Variants in PTPRQ observed in about 807,000 individuals in gnomAD.
PTPRQ encodes the protein phosphatidylinositol phosphatase PTPRQ.
Under a neutral mutation model 246.0 loss-of-function variants are expected in PTPRQ, and 199 were observed. The ratio of observed to expected loss-of-function variants is 0.81; its 90% CI spans 0.72 to 0.91. PTPRQ has a LOEUF of 0.91. Among genes scored for constraint, PTPRQ ranks in the 40% least tolerant of loss-of-function variants. The pLI, the probability that PTPRQ is intolerant of heterozygous loss-of-function variation, is 0.00. For missense variants in PTPRQ, 2,624 were observed against 2,528.4 expected (o/e 1.04, Z -0.81); for synonymous variants, 869 against 853.2 (o/e 1.02, Z -0.32).
chr12:80,505,188 T>C (rs530087921), intron 14 of PTPRQ, among the ~76,000 whole-genome samples: 1 of 152,088 alleles, frequency 6.6e-6, no homozygotes, highest in African/African-American at 2.4e-5. Flanking sequence ...AACCAATCTA[T>C]GGCAAGGCAA....
intron 17 of PTPRQ, among the ~76,000 whole-genome samples, chr12:80,520,175 T>C (rs1474234727): frequency 1.3e-5 from 2 of 152,102 alleles, no homozygotes; most frequent in Admixed American, 1.3e-4. Context: ...CCCACCCAAC[T>C]CTCATCTCAT....
At chr12:80,506,494 T>A (rs982390676) in intron 15 of PTPRQ, 75 bp from the exon 16 acceptor site, 5 of 1,197,350 alleles carry the variant, frequency 4.2e-6, no homozygotes, top group Non-Finnish European at 5.8e-6. Flanking sequence ...TTGACAGCCA[T>A]TTCATAGTTT....
chr12:80,543,148 T>C (rs1896205503), intron 23 of PTPRQ, among the ~76,000 whole-genome samples: 2 of 152,048 alleles, frequency 1.3e-5, no homozygotes, highest in Non-Finnish European at 2.9e-5. Context: ...ATTTTGTTAA[T>C]GCTGGAAAGT....
intron 34 of PTPRQ, 190 bp from the exon 35 acceptor site, chr12:80,634,755 G>C (rs1025967031): frequency 1.3e-6 from 1 of 763,252 alleles, no homozygotes; most frequent in Non-Finnish European, 1.9e-6. Context: ...AAAAAAGAAA[G>C]TAGAATAGGT....
intron 8 of PTPRQ, among the ~76,000 whole-genome samples, chr12:80,482,298 G>A (rs1007897088): frequency 6.6e-6 from 1 of 151,664 alleles, no homozygotes; most frequent in African/African-American, 2.4e-5. Context: ...TTAATAAATG[G>A]TGCTGGGAAA....
At position 80,542,267 on chromosome 12, in the gene PTPRQ, G is replaced by A. The variant is rs1896178472; in HGVS notation, c.3624G>A (p.Glu1208=). ...CTGATAATTACATAATATTGGAAGA[G>A]CTTTCACCATTTACATTATATAGCT... ...ITSDNYIILE[E]LSPFTLYSFF... Residue 1208 remains glutamate, a synonymous_variant, in exon 22 of 45, where the codon GAG becomes GAA. Coordinates refer to ENST00000644991, the MANE Select transcript of PTPRQ (RefSeq NM_001145026.2). The A allele has an allele frequency of 3.2e-6, 5 of 1,550,630 alleles. No individual in the cohort carries two copies. Among genetic ancestry groups the A allele is most frequent in the Non-Finnish European group, 4.4e-6 (5 of 1,146,486 alleles).
intron 3 of PTPRQ, among the ~76,000 whole-genome samples, chr12:80,457,127 C>T (rs1299600538): frequency 6.6e-6 from 1 of 151,894 alleles, no homozygotes; most frequent in Non-Finnish European, 1.5e-5. Context: ...ATGTACTTAT[C>T]TAATTTATTT....
chr12:80,514,149 C>T (rs1895206897), intron 17 of PTPRQ, among the ~76,000 whole-genome samples: 1 of 152,076 alleles, frequency 6.6e-6, no homozygotes, highest in African/African-American at 2.4e-5. Flanking sequence ...TTTTATTTCT[C>T]TCACTCTTTT....
In PTPRQ at chr12:80,534,989, A is replaced by G. The variant is rs1441774924; in HGVS notation, c.2937A>G (p.Ile979Met). ...CTCCTTCAAAACCTAATGGGATTAT[A>G]CAATATTACTCTGTTTATTACAGAA... Reference protein sequence around the residue: ...WTPPSKPNGIIQYYSVYYRNT... With the variant: ...WTPPSKPNGIMQYYSVYYRNT... Residue 979 changes from isoleucine (I) to methionine (M), a missense_variant, in exon 19 of 45, where the codon ATA (isoleucine) becomes ATG (methionine). Coordinates refer to ENST00000644991, the MANE Select transcript of PTPRQ (RefSeq NM_001145026.2). 11 of 1,548,818 alleles carry G rather than the reference A, an allele frequency of 7.1e-6. No homozygotes were observed. The highest frequency in any genetic ancestry group is 9.6e-6 in the Non-Finnish European group (11 of 1,145,950).
intron 7 of PTPRQ, 122 bp from the exon 8 acceptor site, chr12:80,471,983 T>C (rs745531004): frequency 1.4e-4 from 174 of 1,225,620 alleles, no homozygotes; most frequent in Middle Eastern, 2.5e-4. Flanking sequence ...TTTGATATTA[T>C]AATAACAAAT....
At chr12:80,640,462 A>C (rs1565835403) in intron 35 of PTPRQ, among the ~76,000 whole-genome samples, 6 of 152,210 alleles carry the variant, frequency 3.9e-5, no homozygotes. Flanking sequence ...GAATACAAGA[A>C]ATGTTCTATG....
chr12:80,659,639 C>T (rs1224517009), intron 39 of PTPRQ, among the ~76,000 whole-genome samples: 1 of 151,990 alleles, frequency 6.6e-6, no homozygotes, highest in Non-Finnish European at 1.5e-5. Flanking sequence ...TTTTCGCAAA[C>T]CCCCAGTGTC....
chr12:80,655,403 T>A (rs1900398693), intron 38 of PTPRQ, among the ~76,000 whole-genome samples: 2 of 152,138 alleles, frequency 1.3e-5, no homozygotes, highest in African/African-American at 2.4e-5. Flanking sequence ...GGTTAATAGA[T>A]CATTTCCTTT....
rs146553698 is a variant in PTPRQ, at chr12:80,649,365, T to TA, written c.5943-217dup. Among the ~76,000 whole-genome samples, 1,203 of 152,234 alleles carry TA rather than the reference T, an allele frequency of 7.9e-3. 16 individuals carry two copies. Among genetic ancestry groups the TA allele is most frequent in the African/African-American group, 0.027 (1,123 of 41,548 alleles). ...TGCTAAATCCTTTATTTAATGTCAC[T>TA]AAAAAATTGAAGGAATTTTGTGCCA... On this transcript the variant is annotated intron_variant, in intron 36 of 44. Coordinates refer to ENST00000644991, the MANE Select transcript of PTPRQ (RefSeq NM_001145026.2).
intron 25 of PTPRQ, among the ~76,000 whole-genome samples, chr12:80,586,305 T>C (rs551723900): frequency 6.6e-6 from 1 of 151,508 alleles, no homozygotes; most frequent in East Asian, 1.9e-4. Flanking sequence ...ATGCTCATCA[T>C]CACTGGCCAT....
At chr12:80,513,445 C>T (rs974694641) in intron 17 of PTPRQ, among the ~76,000 whole-genome samples, 1 of 152,162 alleles carries the variant, frequency 6.6e-6, no homozygotes, top group Non-Finnish European at 1.5e-5. Flanking sequence ...TTGTGTCTTA[C>T]GCCAACGTGT....
intron 26 of PTPRQ, among the ~76,000 whole-genome samples, chr12:80,601,380 A>T (rs1418887843): frequency 6.6e-6 from 1 of 151,842 alleles, no homozygotes; most frequent in Non-Finnish European, 1.5e-5. Flanking sequence ...AGGGTTAAAC[A>T]GTAGAAGCTT....
In PTPRQ at chr12:80,652,828, A is replaced by T; in HGVS notation, c.6109A>T (p.Lys2037Ter). The T allele has an allele frequency of 6.7e-7, 1 of 1,501,686 alleles. No homozygotes were observed. The highest frequency in any genetic ancestry group is 1.4e-5 in the South Asian group (1 of 71,562). 93.0% of individuals were successfully genotyped at this position (1,501,686 alleles called of 1,614,324 possible). A position where few individuals can be genotyped will look rare whatever the true frequency, so the allele number is the denominator to read the frequency against. ...NRAKNRFPNI[K>*]PYNNNRVKLI... ...AGCAAAAAACCGCTTCCCAAACATA[A>T]AACCATGTATGTGCATTTGTTGGTT... The change falls in exon 38 of 45, where the codon AAA becomes TAA. Residue 2037 changes from lysine to a stop codon, truncating the protein, a stop_gained. Coordinates refer to ENST00000644991, the MANE Select transcript of PTPRQ (RefSeq NM_001145026.2). LOFTEE classifies it high-confidence loss of function.
chr12:80,560,227 G>C (rs144223023), intron 25 of PTPRQ, among the ~76,000 whole-genome samples: 1 of 152,136 alleles, frequency 6.6e-6, no homozygotes, highest in Non-Finnish European at 1.5e-5. Context: ...CAGTGTCTTG[G>C]GAGCTCTTTG....
Sources: allele counts gnomAD v4.1 joint callset (sites outside exome capture counted in the v4.1 genomes callset), GRCh38; gene constraint gnomAD v4.1.1; transcripts MANE v1.5; gene names NCBI Gene and HGNC (gene_info 2026-07-23, HGNC 2026-07-21).